The following WRN variants were observed in gnomAD, a reference collection of about 807,000 sequenced individuals.
The protein encoded by WRN is WRN RecQ like helicase, also known as bifunctional 3'-5' exonuclease/ATP-dependent helicase WRN.
Under a neutral mutation model 180.7 loss-of-function variants are expected in WRN, and 149 were observed. The ratio of observed to expected loss-of-function variants is 0.82; its 90% CI spans 0.72 to 0.94. The LOEUF (loss-of-function observed/expected upper bound fraction) is 0.94, where lower values mean the gene tolerates loss of function less well. Ranked by LOEUF, WRN falls within the 40% of genes least tolerant of loss-of-function variation. WRN has a pLI of 0.00. For synonymous variants in WRN, 548 were observed against 568.9 expected (o/e 0.96, Z 0.52); for missense variants, 1,661 against 1,700.1 (o/e 0.98, Z 0.40).
At chr8:31,166,603 T>C (rs746066932) in intron 33 of WRN, among the ~76,000 whole-genome samples, 7 of 152,160 alleles carry the variant, frequency 4.6e-5, no homozygotes, top group Non-Finnish European at 8.8e-5. Context: ...TTAAATAAAT[T>C]ATTTTTATAC....
At chr8:31,149,455 G>GATTTTTTTTTTTTTTTT (rs1803012235) in intron 30 of WRN, among the ~76,000 whole-genome samples, 1 of 51,976 alleles carries the variant, frequency 1.9e-5, no homozygotes, top group Non-Finnish European at 3.3e-5. Context: ...TAATAGAGGT[G>GATTTTTTTTTTTTTTTT]TTTTTTTTTT....
chr8:31,152,361 T>A (rs1434021972), intron 31 of WRN, among the ~76,000 whole-genome samples: 1 of 151,734 alleles, frequency 6.6e-6, no homozygotes, highest in African/African-American at 2.4e-5. Context: ...TGAACATGTA[T>A]GGCATAAATA....
At chr8:31,157,593 A>T in intron 33 of WRN, 63 bp downstream of exon 33, 1 of 1,594,952 alleles carries the variant, frequency 6.3e-7, no homozygotes, top group Non-Finnish European at 8.6e-7. Context: ...GCAATCCACT[A>T]TATTTTTCAC....
chr8:31,080,016 G>A (rs996068226), intron 8 of WRN, among the ~76,000 whole-genome samples: 2 of 152,110 alleles, frequency 1.3e-5, no homozygotes, highest in African/African-American at 4.8e-5. Context: ...GAGTAGCTGA[G>A]ATTACAGGCG....
intron 1 of WRN, among the ~76,000 whole-genome samples, chr8:31,044,709 T>A (rs987995365): frequency 6.6e-6 from 1 of 152,230 alleles, no homozygotes; most frequent in African/African-American, 2.4e-5. Context: ...GTTTTCCCTC[T>A]GTTTTACTTA....
At chr8:31,047,077 CT>C (rs758959238) in intron 1 of WRN, among the ~76,000 whole-genome samples, 12 of 151,734 alleles carry the variant, frequency 7.9e-5, no homozygotes, top group Middle Eastern at 3.4e-3. Flanking sequence ...CCTCTTCCCC[CT>C]ATACTTAAAT....
chr8:31,051,496 T>A (rs189510851), intron 1 of WRN, among the ~76,000 whole-genome samples: 1 of 152,346 alleles, frequency 6.6e-6, no homozygotes, highest in Admixed American at 6.5e-5. Context: ...TGACATGAAC[T>A]AGAAGTGACT....
At chr8:31,081,832 C>A (rs1307076022) in intron 9 of WRN, among the ~76,000 whole-genome samples, 1 of 151,984 alleles carries the variant, frequency 6.6e-6, no homozygotes, top group Non-Finnish European at 1.5e-5. Flanking sequence ...GGGATCTTGG[C>A]CCCCTGCGGT....
At chr8:31,138,897 C>T (rs561511800) in intron 24 of WRN, among the ~76,000 whole-genome samples, 1 of 152,280 alleles carries the variant, frequency 6.6e-6, no homozygotes, top group East Asian at 1.9e-4. Context: ...CTAATTTCAT[C>T]CTAGCTTCCT....
intron 9 of WRN, 78 bp downstream of exon 9, chr8:31,081,374 TA>T: frequency 6.7e-7 from 1 of 1,486,128 alleles, no homozygotes; most frequent in Non-Finnish European, 9.2e-7. Flanking sequence ...AGACAGATAG[TA>T]AATATTTTAG....
rs752014453 is a variant in WRN, at chr8:31,064,995, A to C, written c.436A>C (p.Lys146Gln). The C allele has an allele frequency of 4.3e-6, 7 of 1,613,646 alleles. No homozygotes were observed. Among genetic ancestry groups the C allele is most frequent in the Non-Finnish European group, 5.9e-6 (7 of 1,179,822 alleles). ...TGTAGGAATTGAAGGAGATCAGTGG[A>C]AACTTCTACGTGACTTTGATATCAA... is the stretch of plus-strand genomic sequence containing the variant. ...AGVGIEGDQWKLLRDFDIKLK... is the reference protein window; with the variant it reads ...AGVGIEGDQWQLLRDFDIKLK... The change falls in exon 5 of 35, where the codon AAA becomes CAA. Residue 146 changes from lysine (K) to glutamine (Q), a missense_variant. Lys to Gln is a moderately conservative substitution (Grantham distance 53). Around this residue, in one of 3 missense-constraint regions of WRN, gnomAD observed 500 missense variants for 504.1 expected, o/e 0.99. Coordinates refer to ENST00000298139, the MANE Select transcript of WRN (RefSeq NM_000553.6).
chr8:31,054,761 C>G (rs563436546), intron 1 of WRN, among the ~76,000 whole-genome samples: 3 of 152,206 alleles, frequency 2.0e-5, no homozygotes, highest in African/African-American at 7.2e-5. Flanking sequence ...ATTTTAAGTT[C>G]CAGGATACAT....
chr8:31,129,550 A>T (rs987784495), intron 23 of WRN, among the ~76,000 whole-genome samples: 5 of 152,256 alleles, frequency 3.3e-5, no homozygotes, highest in Non-Finnish European at 5.9e-5. Flanking sequence ...CAGATAAACA[A>T]CAAAATCCTC....
At chr8:31,096,995 G>A (rs1299933647) in intron 17 of WRN, 145 bp downstream of exon 17, 9 of 779,712 alleles carry the variant, frequency 1.2e-5, no homozygotes, top group Non-Finnish European at 1.1e-5. Context: ...CTAACTTGCT[G>A]TTTCACCTAT....
chr8:31,071,633 C>T (rs912706968), intron 7 of WRN, among the ~76,000 whole-genome samples: 31 of 152,118 alleles, frequency 2.0e-4, no homozygotes, highest in African/African-American at 7.5e-4. Flanking sequence ...AGGTGCCTGC[C>T]ACCACGCCCA....
chr8:31,117,818 G>T (rs1563361805), intron 20 of WRN, among the ~76,000 whole-genome samples: 1 of 152,068 alleles, frequency 6.6e-6, no homozygotes, highest in Admixed American at 6.6e-5. Flanking sequence ...AAAGCATCTG[G>T]TCTCTCTTTT....
chr8:31,079,081 C>T (rs1420751133), intron 8 of WRN, among the ~76,000 whole-genome samples: 1 of 152,096 alleles, frequency 6.6e-6, no homozygotes, highest in Admixed American at 6.5e-5. Context: ...GCTAAAAGTT[C>T]TTTATAAGAT....
intron 18 of WRN, among the ~76,000 whole-genome samples, chr8:31,101,948 A>G (rs910399133): frequency 6.6e-6 from 1 of 151,992 alleles, no homozygotes; most frequent in African/African-American, 2.4e-5. Flanking sequence ...AAAAATACCT[A>G]TATAGAGGTC....
intron 33 of WRN, among the ~76,000 whole-genome samples, chr8:31,161,501 A>G (rs997993810): frequency 6.6e-6 from 1 of 152,212 alleles, no homozygotes; most frequent in East Asian, 1.9e-4. Context: ...ATATATAAAC[A>G]TAGTGAAACA....
Sources: gnomAD v4.1 joint callset for allele counts (sites outside exome capture counted in the v4.1 genomes callset) on GRCh38, gnomAD v4.1.1 for gene constraint, gnomAD v4.1.1 regional missense constraint, MANE v1.5 for transcripts, NCBI Gene and HGNC (gene_info 2026-07-23, HGNC 2026-07-21) for gene names.